NDRG1: variants seen among roughly 807,000 people sequenced by gnomAD.
NDRG1 encodes N-myc downstream regulated 1.
Under a neutral mutation model 56.9 loss-of-function variants are expected in NDRG1, and 32 were observed. That is an observed-to-expected ratio of 0.56 (90% CI 0.42 to 0.76). The LOEUF (loss-of-function observed/expected upper bound fraction) is 0.76. Ranked by LOEUF, NDRG1 falls within the 30% of genes least tolerant of loss-of-function variation. The pLI is 0.00. For synonymous variants in NDRG1, 211 were observed against 204.1 expected (o/e 1.03, Z -0.29); for missense variants, 507 against 545.7 (o/e 0.93, Z 0.71).
At chr8:133,290,051 G>T (rs1006780236) in intron 1 of NDRG1, among the ~76,000 whole-genome samples, 7 of 152,128 alleles carry the variant, frequency 4.6e-5, no homozygotes, top group African/African-American at 7.2e-5. Flanking sequence ...GCCAGGCTCA[G>T]CTCTGGCCAG....
rs1430899785 is a variant in NDRG1 at position 133,269,134 on chromosome 8, CAG to C, written c.100-4484_100-4483del. 2.6e-5 allele frequency among the ~76,000 whole-genome samples: 4 copies of C among 152,316 alleles called. No homozygotes were observed. In the South Asian group the frequency reaches 8.3e-4, roughly 32 times the overall value. ...AGAAAGCACAAGGAACCCAGAACAT[CAG>C]AACTGCAAGGTGCACTGTTCGTCCT... On this transcript the variant is annotated intron_variant, in intron 3 of 15. Transcript: ENST00000323851.
At chr8:133,272,065 A>T (rs556835809) in intron 3 of NDRG1, among the ~76,000 whole-genome samples, 4 of 152,278 alleles carry the variant, frequency 2.6e-5, no homozygotes, top group Non-Finnish European at 5.9e-5. Context: ...GCCTCACACA[A>T]TGGAAGACCT....
At chr8:133,268,084 A>G (rs1857006891) in intron 3 of NDRG1, among the ~76,000 whole-genome samples, 1 of 152,144 alleles carries the variant, frequency 6.6e-6, no homozygotes, top group Admixed American at 6.5e-5. Context: ...TCCTCAGTCC[A>G]AGAAGGAAAG....
Position 133,244,355 on chromosome 8 carries a change from C to G in NDRG1, c.891G>C (p.Gln297His). The change falls in exon 14 of 16, where the codon CAG (glutamine) becomes CAC (histidine). Residue 297 changes from glutamine to histidine, a missense_variant and splice_region_variant. Physicochemically the swap from Gln to His is conservative, Grantham distance 24. Transcript: ENST00000323851. ...ATGCAAAAGCCAACATGGCACTCACCTGGGAGATCTGCGGGAGGCCGCCAC... is the reference window on the plus strand; with the variant it reads ...ATGCAAAAGCCAACATGGCACTCACGTGGGAGATCTGCGGGAGGCCGCCAC... ...ADCGGLPQIS[Q>H]PAKLAEAFKY... is the part of the protein sequence containing the mutation. The G allele has an allele frequency of 6.2e-7, 1 of 1,614,208 alleles. No homozygotes were observed. Among genetic ancestry groups the G allele is most frequent in the East Asian group, 2.2e-5 (1 of 44,886 alleles).
At chr8:133,281,674 T>A (rs1857814361) in intron 2 of NDRG1, among the ~76,000 whole-genome samples, 1 of 152,082 alleles carries the variant, frequency 6.6e-6, no homozygotes, top group Middle Eastern at 3.2e-3. Context: ...AACAGGATGA[T>A]GGAATGGAGC....
chr8:133,248,965 G>C (rs1324241619), intron 10 of NDRG1, among the ~76,000 whole-genome samples, 194 bp from the exon 11 acceptor site: 2 of 152,130 alleles, frequency 1.3e-5, no homozygotes. Flanking sequence ...TAGAGGGACA[G>C]CACAACACAT....
At chr8:133,249,455 G>A (rs1356255292) in intron 10 of NDRG1, 1 of 156,404 alleles carries the variant, frequency 6.4e-6, no homozygotes, top group Admixed American at 6.1e-5. Flanking sequence ...GAGAACACAG[G>A]ATCTCTTTGC....
chr8:133,295,755 C>T (rs1858716041), intron 1 of NDRG1, among the ~76,000 whole-genome samples: 1 of 152,204 alleles, frequency 6.6e-6, no homozygotes. Flanking sequence ...AGGTCCCGTG[C>T]AGCTGATGGG....
chr8:133,280,454 TG>T (rs1857731428), intron 2 of NDRG1, among the ~76,000 whole-genome samples, 187 bp from the exon 3 acceptor site: 1 of 151,152 alleles, frequency 6.6e-6, no homozygotes, highest in Non-Finnish European at 1.5e-5. Flanking sequence ...GACGGAGTCT[TG>T]CTCTGTCGCC....
rs1313512100 is a variant in NDRG1, at chr8:133,264,976, C to G, written c.100-324G>C. The G allele has an allele frequency of 7.6e-6, 3 of 394,740 alleles. No homozygotes were observed. The East Asian group carries it at 1.7e-4, about 22-fold the overall frequency. The allele number at this position is 394,740 out of a possible 1,614,324, so 24.5% of individuals were successfully genotyped here. A position where few individuals can be genotyped will look rare whatever the true frequency, so the allele number is the denominator to read the frequency against. ...TCTGGAAAACAGGCCATCAAGCCTG[C>G]GCTTCCTTGCTTCCTTGCCCTCAGG... On this transcript the variant is annotated intron_variant, in intron 3 of 15. Coordinates refer to ENST00000323851, the MANE Select transcript of NDRG1 (RefSeq NM_006096.4).
intron 3 of NDRG1, among the ~76,000 whole-genome samples, chr8:133,271,178 A>C (rs985149553): frequency 6.6e-6 from 1 of 152,140 alleles, no homozygotes; most frequent in Admixed American, 6.5e-5. Flanking sequence ...TCTAGGCTCT[A>C]AGAGGATCAC....
At chr8:133,247,763 A>T in intron 12 of NDRG1, 112 bp downstream of exon 12, 1 of 1,142,392 alleles carries the variant, frequency 8.8e-7, no homozygotes, top group Non-Finnish European at 1.3e-6. Context: ...AAAAAACATC[A>T]CCTGCCCTGA....
chr8:133,250,577 C>A (rs368956082), intron 9 of NDRG1, 34 bp from the exon 10 acceptor site: 1 of 1,562,380 alleles, frequency 6.4e-7, no homozygotes, highest in African/African-American at 1.4e-5. Flanking sequence ...TGGTCCTCAT[C>A]GCACTGTGGC....
chr8:133,267,518 C>A (rs1856981152), intron 3 of NDRG1, among the ~76,000 whole-genome samples: 2 of 152,330 alleles, frequency 1.3e-5, no homozygotes. Context: ...TTCTTTCCTG[C>A]CCATAACAGG....
intron 3 of NDRG1, among the ~76,000 whole-genome samples, chr8:133,276,834 T>G (rs938130048): frequency 6.6e-6 from 1 of 152,252 alleles, no homozygotes; most frequent in African/African-American, 2.4e-5. Context: ...ATTCCACTTC[T>G]GGGTATATGT....
intron 12 of NDRG1, 108 bp downstream of exon 12, chr8:133,247,767 G>T: frequency 8.4e-7 from 1 of 1,188,064 alleles, no homozygotes; most frequent in Non-Finnish European, 1.3e-6. Flanking sequence ...AACATCACCT[G>T]CCCTGATGGG....
At chr8:133,260,879 G>A (rs1412275065) in intron 5 of NDRG1, among the ~76,000 whole-genome samples, 2 of 152,164 alleles carry the variant, frequency 1.3e-5, no homozygotes, top group African/African-American at 4.8e-5. Flanking sequence ...AGGGACAAGA[G>A]GGGTTATCTC....
rs921475891 is a variant in NDRG1, at chr8:133,297,152, G to A, written c.-37C>T. On this transcript the variant is annotated 5_prime_UTR_variant, in exon 1 of 16. Transcript: ENST00000323851. ...GGCTTACCTAACGCGAGGGAGAAAG[G>A]AAAGGACGGTGCCGAGGCTGGCGGC... 1 of 152,394 alleles carries A rather than the reference G, an allele frequency of 6.6e-6. No homozygotes were observed. Among genetic ancestry groups the A allele is most frequent in the East Asian group, 1.9e-4 (1 of 5,196 alleles). 9.4% of individuals were successfully genotyped at this position (152,394 alleles called of 1,614,324 possible).
chr8:133,260,230 AG>A (rs1242776056), intron 5 of NDRG1, among the ~76,000 whole-genome samples: 4 of 152,124 alleles, frequency 2.6e-5, no homozygotes, highest in African/African-American at 9.7e-5. Flanking sequence ...CCTCCTGTGT[AG>A]GTGGTGGACA....
Sources: allele counts gnomAD v4.1 joint callset (sites outside exome capture counted in the v4.1 genomes callset), GRCh38; gene constraint gnomAD v4.1.1; transcripts MANE v1.5; gene names NCBI Gene and HGNC (gene_info 2026-07-23, HGNC 2026-07-21).